NAV2: variants seen among roughly 807,000 people sequenced by gnomAD.
NAV2 encodes neuron navigator 2.
Under a neutral mutation model 223.2 loss-of-function variants are expected in NAV2, and 54 were observed. The ratio of observed to expected loss-of-function variants is 0.24; its 90% CI spans 0.19 to 0.30. NAV2 has a LOEUF of 0.30. Ranked by LOEUF, NAV2 falls within the 10% of genes least tolerant of loss-of-function variation. The probability of loss-of-function intolerance (pLI) is 1.00; values close to 1 mark genes in which losing one functional copy is unlikely to be tolerated. For synonymous variants in NAV2, 1,279 were observed against 1,239.3 expected (o/e 1.03, Z -0.67); for missense variants, 2,806 against 3,147.5 (o/e 0.89, Z 2.60).
At chr11:19,954,608 T>G (rs868299937) in intron 10 of NAV2, among the ~76,000 whole-genome samples, 1 of 152,208 alleles carries the variant, frequency 6.6e-6, no homozygotes, top group Non-Finnish European at 1.5e-5. Context: ...GGATAGTTGT[T>G]ATACTTTATT....
At chr11:19,971,493 A>G (rs1565671404) in intron 10 of NAV2, among the ~76,000 whole-genome samples, 1 of 152,158 alleles carries the variant, frequency 6.6e-6, no homozygotes, top group Non-Finnish European at 1.5e-5. Flanking sequence ...TTCCTGGCTC[A>G]GGGCATGGGT....
At chr11:20,030,214 G>T (rs1051167569) in intron 11 of NAV2, among the ~76,000 whole-genome samples, 2 of 152,038 alleles carry the variant, frequency 1.3e-5, no homozygotes, top group Non-Finnish European at 2.9e-5. Flanking sequence ...GAGTGAAGGT[G>T]AACTGGAGTG....
rs527356991 is a variant in NAV2, at chr11:20,095,757, G to A, written c.6002G>A (p.Arg2001Gln). Residue 2001 changes from arginine to glutamine, a missense_variant, in exon 30 of 38, where the codon CGG (arginine) becomes CAG (glutamine). Transcript: ENST00000349880. The part of the protein sequence containing the change: ...KWDVLDGVVR[R>Q]LFKEYIIHVD... ...GATGTGCTCGATGGGGTGGTTAGAC[G>A]GCTGTTCAAAGTAAGTGTTTCAAGA... 214 of 1,613,416 alleles carry A rather than the reference G, an allele frequency of 1.3e-4. No individual in the cohort carries two copies. In the South Asian group the frequency reaches 1.8e-3, roughly 14 times the overall value.
At chr11:19,435,758 T>C (rs1421744056) in intron 1 of NAV2, among the ~76,000 whole-genome samples, 5 of 152,220 alleles carry the variant, frequency 3.3e-5, no homozygotes, top group Non-Finnish European at 1.5e-5. Context: ...TTTTTGATAA[T>C]AGCCAGCCTA....
rs548065922 is a variant in NAV2 at position 19,359,741 on chromosome 11, G to A, written c.75+8714G>A. On this transcript the variant is annotated intron_variant, in intron 1 of 37. Coordinates refer to the NAV2 transcript ENST00000360655. ...GAGAAACAGCTTTGAGCAAGGAGACGCTAATTAAGGTTGTTCCTTTGAGTG... is the reference window on the plus strand; with the variant it reads ...GAGAAACAGCTTTGAGCAAGGAGACACTAATTAAGGTTGTTCCTTTGAGTG... 5.3e-5 allele frequency among the ~76,000 whole-genome samples: 8 copies of A among 152,284 alleles called. No individual in the cohort carries two copies. In the East Asian group the frequency reaches 9.6e-4, roughly 18 times the overall value.
At chr11:19,498,290 C>T (rs572803804) in intron 1 of NAV2, among the ~76,000 whole-genome samples, 2 of 152,342 alleles carry the variant, frequency 1.3e-5, no homozygotes, top group African/African-American at 2.4e-5. Flanking sequence ...TTGGTTTCCT[C>T]ATCTACCACA....
At chr11:20,016,553 G>C (rs893157041) in intron 11 of NAV2, among the ~76,000 whole-genome samples, 4 of 152,184 alleles carry the variant, frequency 2.6e-5, no homozygotes, top group African/African-American at 7.2e-5. Context: ...GAAGCTGAAA[G>C]GCAGCTCATT....
chr11:19,668,219 C>T (rs911195366), intron 1 of NAV2, among the ~76,000 whole-genome samples: 1 of 152,172 alleles, frequency 6.6e-6, no homozygotes, highest in Admixed American at 6.5e-5. Context: ...ACATATGAAA[C>T]ATTGTCGCCA....
At chr11:19,990,396 G>A (rs996942126) in intron 11 of NAV2, among the ~76,000 whole-genome samples, 1 of 152,084 alleles carries the variant, frequency 6.6e-6, no homozygotes, top group East Asian at 1.9e-4. Flanking sequence ...TTTCTCTCCT[G>A]GTCTTGGCTA....
At chr11:19,863,340 A>G (rs974896516) in intron 3 of NAV2, among the ~76,000 whole-genome samples, 2 of 152,156 alleles carry the variant, frequency 1.3e-5, no homozygotes, top group Non-Finnish European at 2.9e-5. Context: ...TGCTCCAGCC[A>G]TTATGACTTT....
At chr11:19,633,243 G>A (rs980478184) in intron 1 of NAV2, among the ~76,000 whole-genome samples, 4 of 152,166 alleles carry the variant, frequency 2.6e-5, no homozygotes, top group Non-Finnish European at 5.9e-5. Flanking sequence ...CAATTCAGGG[G>A]CCTCTTCTTG....
chr11:19,992,107 GT>G (rs1759188049), intron 11 of NAV2, among the ~76,000 whole-genome samples: 1 of 152,174 alleles, frequency 6.6e-6, no homozygotes, highest in Non-Finnish European at 1.5e-5. Context: ...TCTTCTCCTA[GT>G]TGTGTATAAC....
intron 6 of NAV2, among the ~76,000 whole-genome samples, chr11:19,913,666 C>A (rs1244516578): frequency 6.6e-6 from 1 of 152,190 alleles, no homozygotes; most frequent in Non-Finnish European, 1.5e-5. Context: ...AGGAGGGAGG[C>A]TGTCAAAACT....
chr11:20,107,861 C>T (rs2062276224), intron 36 of NAV2, 79 bp downstream of exon 36: 9 of 964,400 alleles, frequency 9.3e-6, no homozygotes, highest in Admixed American at 9.1e-5. Context: ...TTTATCTCCT[C>T]CTCCAGGAAT....
intron 9 of NAV2, among the ~76,000 whole-genome samples, chr11:19,948,019 T>A (rs1690488249): frequency 1.3e-5 from 2 of 152,142 alleles, no homozygotes; most frequent in African/African-American, 4.8e-5. Flanking sequence ...GGAACCTTCA[T>A]GCCCCATCCT....
At chr11:19,770,751 T>C (rs771154485) in intron 1 of NAV2, among the ~76,000 whole-genome samples, 10 of 152,218 alleles carry the variant, frequency 6.6e-5, no homozygotes, top group African/African-American at 9.6e-5. Flanking sequence ...ACGCCTTCTA[T>C]GTTTCGAGCG....
chr11:19,553,896 CCCT>C (rs1184471655), intron 1 of NAV2, among the ~76,000 whole-genome samples: 1 of 152,198 alleles, frequency 6.6e-6, no homozygotes, highest in African/African-American at 2.4e-5. Context: ...GGTGGCAAAC[CCCT>C]CGTGGGCTTT....
chr11:20,047,597 A>T (rs2057573693), intron 14 of NAV2, among the ~76,000 whole-genome samples: 1 of 152,230 alleles, frequency 6.6e-6, no homozygotes, highest in Non-Finnish European at 1.5e-5. Flanking sequence ...CCCTGTCATC[A>T]CTGGAAGTAT....
intron 1 of NAV2, among the ~76,000 whole-genome samples, chr11:19,641,638 C>A (rs147019518): frequency 4.6e-5 from 7 of 151,890 alleles, no homozygotes; most frequent in African/African-American, 1.7e-4. Context: ...ACACAGTGAG[C>A]GCTCACCTTC....
Sources: allele counts gnomAD v4.1 joint callset (sites outside exome capture counted in the v4.1 genomes callset), GRCh38; gene constraint gnomAD v4.1.1; transcripts MANE v1.5; gene names NCBI Gene and HGNC (gene_info 2026-07-23, HGNC 2026-07-21).